Variants in PREPL observed in about 807,000 individuals in gnomAD.
PREPL encodes the protein prolyl endopeptidase-like.
PREPL carries 77 observed loss-of-function variants against 70.6 expected under a neutral mutation model. That is an observed-to-expected ratio of 1.09 (90% CI 0.91 to 1.32). The LOEUF is 1.32. PREPL is among the 40% of genes most tolerant of loss of function. PREPL has a pLI of 0.00. For synonymous variants in PREPL, 315 were observed against 264.8 expected (o/e 1.19, Z -1.84); for missense variants, 1,002 against 778.2 (o/e 1.29, Z -3.42).
At chr2:44,346,979 A>G (rs988060086) in intron 1 of PREPL, among the ~76,000 whole-genome samples, 1 of 152,152 alleles carries the variant, frequency 6.6e-6, no homozygotes, top group Non-Finnish European at 1.5e-5. Context: ...ACCAAGGGAT[A>G]TAATTTTCTT....
intron 8 of PREPL, among the ~76,000 whole-genome samples, chr2:44,329,492 A>C (rs911658700): frequency 6.6e-6 from 1 of 152,210 alleles, no homozygotes; most frequent in Non-Finnish European, 1.5e-5. Flanking sequence ...CCTATGCCTA[A>C]GAGCTAGATA....
chr2:44,340,425 TA>T (rs1290448674), intron 5 of PREPL, among the ~76,000 whole-genome samples: 1 of 152,158 alleles, frequency 6.6e-6, no homozygotes, highest in African/African-American at 2.4e-5. Flanking sequence ...TTTTCCTTAT[TA>T]TAAAAGTAAT....
At chr2:44,339,512 A>T (rs1674989327) in intron 5 of PREPL, 149 bp from the exon 6 acceptor site, 1 of 1,220,758 alleles carries the variant, frequency 8.2e-7, no homozygotes, top group African/African-American at 1.5e-5. Flanking sequence ...TATCACTTGT[A>T]ACTTTAACAA....
chr2:44,353,889 G>C (rs2041383306), intron 1 of PREPL, among the ~76,000 whole-genome samples: 1 of 152,188 alleles, frequency 6.6e-6, no homozygotes, highest in African/African-American at 2.4e-5. Flanking sequence ...GGCTGGGCAT[G>C]GTGGGTCACA....
chr2:44,357,606 G>C (rs974649178), intron 1 of PREPL, among the ~76,000 whole-genome samples: 2 of 152,210 alleles, frequency 1.3e-5, no homozygotes, highest in Non-Finnish European at 2.9e-5. Context: ...CTATAAAAGA[G>C]AACGGAAAAG....
At chr2:44,351,516 A>T (rs1198147791) in intron 1 of PREPL, among the ~76,000 whole-genome samples, 2 of 21,640 alleles carry the variant, frequency 9.2e-5, no homozygotes, top group Non-Finnish European at 2.9e-4. Flanking sequence ...CGCCCTATTA[A>T]AAAAAAAAAA....
In PREPL at chr2:44,346,299, G is replaced by T. The variant is rs1675814335; in HGVS notation, c.44C>A (p.Pro15Gln). 6.2e-7 allele frequency: 1 copy of T among 1,612,106 alleles called. No individual in the cohort carries two copies. Among genetic ancestry groups the T allele is most frequent in the Non-Finnish European group, 8.5e-7 (1 of 1,179,162 alleles). ...ATTGATGATTTCATATTCTTCTTGT[G>T]GCTGTGTTTCTAATTTTGTTCTCAC... Reference protein sequence around the residue: ...EKVRTKLETQPQEEYEIINVE... With the variant: ...EKVRTKLETQQQEEYEIINVE... Residue 15 changes from proline (P) to glutamine (Q), a missense_variant, in exon 2 of 14, where the codon CCA becomes CAA. Coordinates refer to ENST00000409411, the MANE Select transcript of PREPL (RefSeq NM_001171613.2).
intron 7 of PREPL, among the ~76,000 whole-genome samples, chr2:44,333,919 G>C (rs1239460857): frequency 6.6e-6 from 1 of 152,182 alleles, no homozygotes; most frequent in Non-Finnish European, 1.5e-5. Context: ...GGAAGCTCAA[G>C]TTTTTCTGCC....
At chr2:44,332,396 G>A (rs1674206621) in intron 8 of PREPL, 63 bp downstream of exon 8, 2 of 1,394,428 alleles carry the variant, frequency 1.4e-6, no homozygotes. Flanking sequence ...ACAACTGCAT[G>A]GCATCTGGCA....
Position 44,326,209 on chromosome 2 carries a change from A to G in PREPL, c.1479+503T>C, listed in dbSNP as rs779567314. Among the ~76,000 whole-genome samples, 13 of 152,202 alleles carry G rather than the reference A, an allele frequency of 8.5e-5. 1 individual carries two copies. Among genetic ancestry groups the G allele is most frequent in the Non-Finnish European group, 5.9e-5 (4 of 68,040 alleles). ...ATGGAAATAGCCATTAATATCTTTCAGTGGAAAGCCTTAAAGATAATAAAG... is the reference window on the plus strand; with the variant it reads ...ATGGAAATAGCCATTAATATCTTTCGGTGGAAAGCCTTAAAGATAATAAAG... On this transcript the variant is annotated intron_variant, in intron 10 of 13. Coordinates refer to ENST00000409411, the MANE Select transcript of PREPL (RefSeq NM_001171613.2).
chr2:44,348,148 C>G (rs1676025333), intron 1 of PREPL, among the ~76,000 whole-genome samples: 1 of 152,070 alleles, frequency 6.6e-6, no homozygotes, highest in African/African-American at 2.4e-5. Flanking sequence ...CCTCAGCCTC[C>G]CAAGTAGATG....
intron 7 of PREPL, 128 bp downstream of exon 7, chr2:44,338,223 T>A (rs1674836808): frequency 1.1e-6 from 1 of 904,600 alleles, no homozygotes; most frequent in South Asian, 1.7e-5. Context: ...CTTTGCTAAA[T>A]TCCATTTAAG....
intron 7 of PREPL, among the ~76,000 whole-genome samples, chr2:44,335,850 C>A (rs1424108798): frequency 1.3e-5 from 2 of 150,114 alleles, no homozygotes; most frequent in African/African-American, 2.5e-5. Flanking sequence ...GCAAAACAAA[C>A]AAAAACAGAA....
chr2:44,340,174 A>T (rs1056655026), intron 5 of PREPL, among the ~76,000 whole-genome samples: 1 of 152,036 alleles, frequency 6.6e-6, no homozygotes, highest in African/African-American at 2.4e-5. Context: ...TACCTAATAT[A>T]TCATAATTCT....
chr2:44,321,399 C>T lies in PREPL; in HGVS notation c.1874G>A (p.Ser625Asn). The T allele has an allele frequency of 1.2e-6, 2 of 1,612,926 alleles. No individual in the cohort carries two copies. Among genetic ancestry groups the T allele is most frequent in the Non-Finnish European group, 1.7e-6 (2 of 1,179,164 alleles). ...KFLYEELGLD[S>N]TSVFEDLKKY... is the part of the protein sequence containing the mutation. ...CTTAAGATCCTCGAAAACACTGGTGCTGTCAAGTCCAAGTTCCTCGTACAG... is the reference window on the plus strand; with the variant it reads ...CTTAAGATCCTCGAAAACACTGGTGTTGTCAAGTCCAAGTTCCTCGTACAG... Residue 625 changes from serine (S) to asparagine (N), a missense_variant, in exon 14 of 14, where the codon AGC (serine) becomes AAC (asparagine). Transcript: ENST00000409411.
chr2:44,347,672 C>T (rs1675975170), intron 1 of PREPL, among the ~76,000 whole-genome samples: 2 of 152,142 alleles, frequency 1.3e-5, no homozygotes, highest in African/African-American at 4.8e-5. Context: ...AGGATTCTGG[C>T]CAAGATATTT....
At chr2:44,347,465 G>T (rs1675951189) in intron 1 of PREPL, 1 of 152,200 alleles carries the variant, frequency 6.6e-6, no homozygotes, top group Non-Finnish European at 1.5e-5. Flanking sequence ...AACATGAGTG[G>T]AGATATAGAT....
At position 44,358,383 on chromosome 2, in the gene PREPL, C is replaced by A. The variant is rs142728737; in HGVS notation, c.-49+2997G>T. On this transcript the variant is annotated intron_variant, in intron 1 of 13. Coordinates refer to ENST00000409411, the MANE Select transcript of PREPL (RefSeq NM_001171613.2). Reference sequence around the variant, plus strand: ...ACAGACTAAAAGAAAAATCAGTATGCGACAAAACCAGAAATTAAAATAAAA... The same window carrying A: ...ACAGACTAAAAGAAAAATCAGTATGAGACAAAACCAGAAATTAAAATAAAA... Among the ~76,000 whole-genome samples the A allele has an allele frequency of 1.5e-3, 227 of 151,872 alleles. 1 individual carries two copies. Among genetic ancestry groups the A allele is most frequent in the African/African-American group, 5.3e-3 (218 of 41,406 alleles).
chr2:44,332,560 A>C lies in PREPL; in HGVS notation c.985T>G (p.Tyr329Asp). The C allele has an allele frequency of 6.2e-7, 1 of 1,613,808 alleles. No individual in the cohort carries two copies. The highest frequency in any genetic ancestry group is 8.5e-7 in the Non-Finnish European group (1 of 1,179,688). ...TTGCCTTCTGCAAACTTGTATGTGT[A>C]ATATTTTGGGGGACGTATTGGAGAG... ...LCSPIRPPKY[Y>D]TYKFAEGKLF... The change falls in exon 8 of 14, where the codon TAC becomes GAC. Residue 329 changes from tyrosine to aspartate, a missense_variant. Physicochemically the swap from Tyr to Asp is radical, Grantham distance 160. Transcript: ENST00000409411.
Sources: allele counts gnomAD v4.1 joint callset (sites outside exome capture counted in the v4.1 genomes callset), GRCh38; gene constraint gnomAD v4.1.1; transcripts MANE v1.5; gene names NCBI Gene and HGNC (gene_info 2026-07-23, HGNC 2026-07-21).